ELL: variants seen among roughly 807,000 people sequenced by gnomAD.
ELL encodes the protein elongation factor for RNA polymerase II, also known as RNA polymerase II elongation factor ELL.
ELL carries 18 observed loss-of-function variants against 64.0 expected under a neutral mutation model. The observed-to-expected ratio is 0.28, with a 90% CI of 0.19 to 0.42. The LOEUF is 0.42. Ranked by LOEUF, ELL falls within the 10% of genes least tolerant of loss-of-function variation. ELL has a pLI of 1.00. For missense variants in ELL, 797 were observed against 870.4 expected (o/e 0.92, Z 1.06); for synonymous variants, 399 against 376.2 (o/e 1.06, Z -0.70).
intron 11 of ELL, 62 bp downstream of exon 11, chr19:18,445,162 A>ACCCTCCT (rs1974386281): frequency 3.1e-6 from 5 of 1,589,116 alleles, no homozygotes; most frequent in Admixed American, 1.7e-5. Context: ...CCCCGGGCCC[A>ACCCTCCT]CCCTCCTCCC....
rs565016319 is a variant in ELL, at chr19:18,491,249, A to ATTT, written c.136-18370_136-18368dup. 2.8e-4 allele frequency among the ~76,000 whole-genome samples: 20 copies of ATTT among 72,470 alleles called. 1 individual carries two copies. Among genetic ancestry groups the ATTT allele is most frequent in the Admixed American group, 8.8e-4 (4 of 4,550 alleles). 47.5% of individuals were successfully genotyped at this position (72,470 alleles called of 152,430 possible). ...AGGTGCTCACCACCACACCTGGCTA[A>ATTT]TTTTTTTTTTTTTTTTTTTTTTTTT... On this transcript the variant is annotated intron_variant, in intron 1 of 11. Coordinates refer to ENST00000262809, the MANE Select transcript of ELL (RefSeq NM_006532.4).
intron 3 of ELL, 105 bp from the exon 4 acceptor site, chr19:18,465,680 C>CT (rs1173116126): frequency 6.8e-7 from 1 of 1,477,414 alleles, no homozygotes; most frequent in African/African-American, 1.4e-5. Context: ...AAAATGGACT[C>CT]TGTCAACACC....
chr19:18,458,380 G>C (rs550098958), intron 5 of ELL, 51 bp from the exon 6 acceptor site: 2 of 1,584,252 alleles, frequency 1.3e-6, no homozygotes, highest in Non-Finnish European at 1.7e-6. Flanking sequence ...GAGAGACGGG[G>C]GACTAGAGAA....
At chr19:18,480,942 A>G (rs551058418) in intron 1 of ELL, among the ~76,000 whole-genome samples, 1 of 152,330 alleles carries the variant, frequency 6.6e-6, no homozygotes, top group Admixed American at 6.5e-5. Context: ...CCCGCAGCAG[A>G]TATTTCTATC....
chr19:18,494,392 G>GT (rs1034539032), intron 1 of ELL, among the ~76,000 whole-genome samples: 12 of 151,500 alleles, frequency 7.9e-5, no homozygotes, highest in Non-Finnish European at 1.5e-4. Flanking sequence ...TTTCTTTTTT[G>GT]TTTTTTTGTT....
At chr19:18,487,690 G>A (rs2144950023) in intron 1 of ELL, among the ~76,000 whole-genome samples, 1 of 152,216 alleles carries the variant, frequency 6.6e-6, no homozygotes, top group East Asian at 1.9e-4. Flanking sequence ...ATCACCAACA[G>A]CACCAAGTTG....
In ELL at chr19:18,451,578, G is replaced by C. The variant is rs759973204; in HGVS notation, c.940C>G (p.Arg314Gly). The change falls in exon 7 of 12, where the codon CGT becomes GGT. Residue 314 changes from arginine (R) to glycine (G), a missense_variant. Arg to Gly is a moderately radical substitution (Grantham distance 125). Transcript: ENST00000262809. ...TGTGGGGGCGAGGCCGAGCGCCCAC[G>C]CTCGCCTGGGGGGCTGGAGGCAGCA... ...DPAASSPPGE[R>G]GRSASPPQKR... is the part of the protein sequence containing the mutation. 24 of 1,494,004 alleles carry C rather than the reference G, an allele frequency of 1.6e-5. No homozygotes were observed. Among genetic ancestry groups the C allele is most frequent in the Non-Finnish European group, 2.1e-5 (24 of 1,129,964 alleles). The allele number at this position is 1,494,004 out of a possible 1,614,324, so 92.5% of individuals were successfully genotyped here.
At chr19:18,511,860 TA>T (rs752422860) in intron 1 of ELL, among the ~76,000 whole-genome samples, 261 of 132,016 alleles carry the variant, frequency 2.0e-3, no homozygotes, top group Middle Eastern at 8.7e-3. Context: ...CTCTACAAAT[TA>T]AAAAAAAAAA....
rs1975099415 is a variant in ELL, at chr19:18,473,108, A to G, written c.136-226T>C. 1.1e-4 allele frequency: 72 copies of G among 678,912 alleles called. No homozygotes were observed. The South Asian group carries it at 1.1e-3, about 10-fold the overall frequency. The allele number at this position is 678,912 out of a possible 1,614,324, so 42.1% of individuals were successfully genotyped here. On this transcript the variant is annotated intron_variant, in intron 1 of 11. Coordinates refer to ENST00000262809, the MANE Select transcript of ELL (RefSeq NM_006532.4). Reference sequence around the variant, plus strand: ...CAGATGGACAGAGGGCTGGGGACACATGACAGGTAAGAATGGGGCCTCCAG... The same window carrying G: ...CAGATGGACAGAGGGCTGGGGACACGTGACAGGTAAGAATGGGGCCTCCAG...
chr19:18,450,757 G>A lies in ELL; in HGVS notation c.1185C>T (p.Asp395=), dbSNP rs903089623. The A allele has an allele frequency of 1.9e-6, 3 of 1,582,266 alleles. No homozygotes were observed. Among genetic ancestry groups the A allele is most frequent in the Non-Finnish European group, 2.6e-6 (3 of 1,164,272 alleles). ...PPRLEPPRAH[D]PLADVSNDLG... is the part of the protein sequence containing the mutation. Reference sequence around the variant, plus strand: ...GGTCATTGCTGACATCGGCCAGGGGGTCGTGGGCCCTCGGGGGCTCCAGCC... The same window carrying A: ...GGTCATTGCTGACATCGGCCAGGGGATCGTGGGCCCTCGGGGGCTCCAGCC... Residue 395 remains aspartate, a synonymous_variant, in exon 8 of 12, where the codon GAC becomes GAT. Coordinates refer to ENST00000262809, the MANE Select transcript of ELL (RefSeq NM_006532.4).
At chr19:18,520,886 G>A (rs565063586) in intron 1 of ELL, among the ~76,000 whole-genome samples, 1 of 152,024 alleles carries the variant, frequency 6.6e-6, no homozygotes, top group Non-Finnish European at 1.5e-5. Flanking sequence ...CCTGACCACT[G>A]GTCATCTGCA....
intron 1 of ELL, among the ~76,000 whole-genome samples, chr19:18,518,568 T>C (rs1206429268): frequency 6.6e-6 from 1 of 150,664 alleles, no homozygotes; most frequent in South Asian, 2.1e-4. Flanking sequence ...GGCAGATGGA[T>C]CACTTGAGGG....
intron 2 of ELL, among the ~76,000 whole-genome samples, chr19:18,470,096 C>G (rs1367913534): frequency 6.6e-6 from 1 of 152,250 alleles, no homozygotes; most frequent in Non-Finnish European, 1.5e-5. Flanking sequence ...GTGGGTGGAT[C>G]ACCTGAGGTC....
chr19:18,446,515 T>C (rs749644470), intron 9 of ELL, 35 bp from the exon 10 acceptor site: 1 of 1,600,416 alleles, frequency 6.2e-7, no homozygotes, highest in Non-Finnish European at 8.5e-7. Context: ...GAGTGGAGGC[T>C]GGAAGGACCC....
At chr19:18,517,972 G>C (rs1476680132) in intron 1 of ELL, among the ~76,000 whole-genome samples, 1 of 151,748 alleles carries the variant, frequency 6.6e-6, no homozygotes, top group African/African-American at 2.4e-5. Flanking sequence ...TATAATCCCA[G>C]CACTTTGGGA....
intron 5 of ELL, among the ~76,000 whole-genome samples, chr19:18,458,980 C>T (rs1244159234): frequency 6.6e-6 from 1 of 152,138 alleles, no homozygotes; most frequent in Admixed American, 6.6e-5. Context: ...CTGCAAACTC[C>T]TGGGCTCAAG....
chr19:18,478,938 G>A (rs1055836297), intron 1 of ELL, among the ~76,000 whole-genome samples: 22 of 152,216 alleles, frequency 1.4e-4, no homozygotes, highest in Non-Finnish European at 2.9e-4. Flanking sequence ...AGCCTGGGAG[G>A]CAGTGAGAGT....
intron 1 of ELL, among the ~76,000 whole-genome samples, chr19:18,503,350 G>A (rs777017255): frequency 6.6e-6 from 1 of 152,216 alleles, no homozygotes; most frequent in Non-Finnish European, 1.5e-5. Context: ...CAAAGCTGGA[G>A]AACAGCAAGG....
At chr19:18,491,654 C>T (rs146227665) in intron 1 of ELL, among the ~76,000 whole-genome samples, 2,554 of 152,228 alleles carry the variant, frequency 0.017, 29 homozygotes, top group African/African-American at 0.04. Context: ...GGGGCTCATG[C>T]CTATAATCCC....
Sources: allele counts gnomAD v4.1 joint callset (sites outside exome capture counted in the v4.1 genomes callset), GRCh38; gene constraint gnomAD v4.1.1; transcripts MANE v1.5; gene names NCBI Gene and HGNC (gene_info 2026-07-23, HGNC 2026-07-21).